The following TAF6 variants were observed in gnomAD, a reference collection of about 807,000 sequenced individuals.
TAF6 encodes transcription initiation factor TFIID subunit 6.
A neutral mutation model predicts 73.5 loss-of-function variants in TAF6; 50 were observed. That is an observed-to-expected ratio of 0.68 (90% confidence interval 0.54 to 0.86). The LOEUF (loss-of-function observed/expected upper bound fraction) is 0.86, where lower values mean the gene tolerates loss of function less well. Ranked by LOEUF, TAF6 falls within the 40% of genes least tolerant of loss-of-function variation. TAF6 has a pLI of 0.00. For synonymous variants in TAF6, 424 were observed against 376.7 expected, an observed-to-expected ratio of 1.13 and a Z score of -1.45; for missense variants, 768 against 899.5, an observed-to-expected ratio of 0.85 and a Z score of 1.87.
intron 5 of TAF6, 77 bp downstream of exon 5, chr7:100,113,272 G>A: frequency 7.4e-7 from 1 of 1,347,308 alleles, no homozygotes; most frequent in South Asian, 1.4e-5. Flanking sequence ...AACAGAGTGA[G>A]ACTCTGTCTC....
upstream of TAF6, chr7:100,122,262 G>A: frequency 1.2e-6 from 2 of 1,613,368 alleles, no homozygotes; most frequent in African/African-American, 1.3e-5. Flanking sequence ...CCACCAGTGT[G>A]TAAGCTGCTG....
At chr7:100,123,175 T>C (rs955351005), upstream of TAF6, among the ~76,000 whole-genome samples, 1 of 151,540 alleles carries the variant, frequency 6.6e-6, no homozygotes. Flanking sequence ...AACCCCGTCT[T>C]TAATAAAAAC....
At chr7:100,119,493 T>G (rs970082035), upstream of TAF6, 4 of 1,346,978 alleles carry the variant, frequency 3.0e-6, no homozygotes, top group Non-Finnish European at 3.9e-6. Flanking sequence ...TAAGGAGCAC[T>G]CCCTCTTGGT....
chr7:100,108,892 C>T, intron 12 of TAF6: 1 of 187,378 alleles, frequency 5.3e-6, no homozygotes, highest in Non-Finnish European at 1.1e-5. Context: ...GGCATGGTGG[C>T]ACGCACCTGT....
At chr7:100,121,706 C>A (rs1046501460), upstream of TAF6, among the ~76,000 whole-genome samples, 1 of 151,694 alleles carries the variant, frequency 6.6e-6, no homozygotes. Context: ...TCCCAAAGTG[C>A]TGGGATTACA....
At chr7:100,118,336 A>G (rs192397629) in intron 1 of TAF6, 1 of 150,536 alleles carries the variant, frequency 6.6e-6, no homozygotes, top group Non-Finnish European at 1.5e-5. Flanking sequence ...TGGGCGATAG[A>G]GAGAGACTCC....
In TAF6 at chr7:100,113,967, A is replaced by G; in HGVS notation, c.157-13T>C. The G allele has an allele frequency of 6.2e-7, 1 of 1,614,080 alleles. No homozygotes were observed. Among genetic ancestry groups the G allele is most frequent in the Non-Finnish European group, 8.5e-7 (1 of 1,180,022 alleles). ...ACTTCAAGGCATCCTGGGGTCGGTG[A>G]CAGAACAGACATCAGCCCAAAATCC... On this transcript the variant is annotated splice_polypyrimidine_tract_variant and intron_variant, in intron 2 of 14. Transcript: ENST00000453269.
upstream of TAF6, chr7:100,119,386 CT>C: frequency 8.9e-7 from 1 of 1,118,934 alleles, no homozygotes; most frequent in Non-Finnish European, 1.1e-6. Flanking sequence ...CTGGCAGAGC[CT>C]AAGAGCAAGT....
chr7:100,107,172 G>A lies in TAF6; in HGVS notation c.*74C>T, dbSNP rs952033229. The A allele has an allele frequency of 5.6e-5, 85 of 1,508,420 alleles. No homozygotes were observed. The highest frequency in any genetic ancestry group is 7.0e-5 in the African/African-American group (5 of 71,640). 93.4% of individuals were successfully genotyped at this position (1,508,420 alleles called of 1,614,324 possible). A position where few individuals can be genotyped will look rare whatever the true frequency, so the allele number is the denominator to read the frequency against. Reference sequence around the variant, plus strand: ...AATCTACAACTTCCTTCCGCTTAGCGAGCATGCATGTGTGTACGTGCACGT... The same window carrying A: ...AATCTACAACTTCCTTCCGCTTAGCAAGCATGCATGTGTGTACGTGCACGT... On this transcript the variant is annotated 3_prime_UTR_variant, in exon 15 of 15. Transcript: ENST00000453269.
In TAF6 at chr7:100,107,184, G is replaced by A. The variant is rs1220362318; in HGVS notation, c.*62C>T. On this transcript the variant is annotated 3_prime_UTR_variant, in exon 15 of 15. Coordinates refer to ENST00000453269, the MANE Select transcript of TAF6 (RefSeq NM_139315.3). ...CCTTCCGCTTAGCGAGCATGCATGT[G>A]TGTACGTGCACGTGTGTACATGTCT... The A allele has an allele frequency of 1.9e-5, 29 of 1,518,402 alleles. No individual in the cohort carries two copies. The highest frequency in any genetic ancestry group is 2.5e-4 in the Middle Eastern group (1 of 4,038). 94.1% of individuals were successfully genotyped at this position (1,518,402 alleles called of 1,614,324 possible).
At chr7:100,122,335 G>C (rs1233180795), upstream of TAF6, 1 of 1,614,172 alleles carries the variant, frequency 6.2e-7, no homozygotes, top group South Asian at 1.1e-5. Flanking sequence ...TGGAGCTGGG[G>C]CAGGTGCTGG....
upstream of TAF6, chr7:100,120,521 C>T (rs1798004639): frequency 6.6e-6 from 1 of 152,310 alleles, no homozygotes; most frequent in Admixed American, 6.5e-5. Context: ...CTTTACGTTT[C>T]TTCCCTGGAT....
chr7:100,108,239 T>A (rs549883866), intron 13 of TAF6, 116 bp from the exon 14 acceptor site: 1 of 1,456,528 alleles, frequency 6.9e-7, no homozygotes, highest in African/African-American at 1.4e-5. Flanking sequence ...GGCTGGGGCA[T>A]CCTCACTCAG....
At chr7:100,122,270 C>A, upstream of TAF6, 1 of 1,613,938 alleles carries the variant, frequency 6.2e-7, no homozygotes, top group East Asian at 2.2e-5. Flanking sequence ...GTGTAAGCTG[C>A]TGAGCACAGA....
upstream of TAF6, among the ~76,000 whole-genome samples, chr7:100,124,264 G>A (rs965062817): frequency 6.6e-6 from 1 of 151,688 alleles, no homozygotes; most frequent in East Asian, 1.9e-4. Context: ...ACAGCCTGAT[G>A]TGGTAGGTGC....
chr7:100,112,437 G>A (rs1797274566), intron 6 of TAF6, among the ~76,000 whole-genome samples, 184 bp from the exon 7 acceptor site: 1 of 152,162 alleles, frequency 6.6e-6, no homozygotes, highest in African/African-American at 2.4e-5. Flanking sequence ...TGGAGGCCTG[G>A]CATGGTGGCT....
rs749453984 is a variant in TAF6, at chr7:100,113,888, A to G, written c.223T>C (p.Leu75=). Residue 75 remains leucine (L), a synonymous_variant, in exon 3 of 15, where the codon TTG becomes CTG. Transcript: ENST00000453269. ...ATCACCTCGACATTCTTTAGCTTCA[A>G]GGCGTAGTCAATGTCACTGGTGGTG... ...KLTTSDIDYA[L]KLKNVEPLYG... 21 of 1,613,768 alleles carry G rather than the reference A, an allele frequency of 1.3e-5. No individual in the cohort carries two copies. In the South Asian group the frequency reaches 2.2e-4, roughly 17 times the overall value.
At chr7:100,124,610 G>C, upstream of TAF6, 1 of 1,613,434 alleles carries the variant, frequency 6.2e-7, no homozygotes. Context: ...TGAAGGTCAT[G>C]TGCTCCCAGC....
rs775448824 is a variant in TAF6, at chr7:100,114,191, GCTT to G, written c.16_18del (p.Lys6del). 2.5e-6 allele frequency: 4 copies of G among 1,614,222 alleles called. No homozygotes were observed. In the South Asian group the frequency reaches 3.3e-5, roughly 13 times the overall value. On this transcript the variant is annotated inframe_deletion, in exon 2 of 15. Transcript: ENST00000453269. ...GGCAGCACAGTGTTGCTAAGCTTCA[GCTT>G]CTTCTCCTCAGCCATTCTGGAGTCC...
Sources: gnomAD v4.1 joint callset for allele counts (sites outside exome capture counted in the v4.1 genomes callset) on GRCh38, gnomAD v4.1.1 for gene constraint, MANE v1.5 for transcripts, NCBI Gene and HGNC (gene_info 2026-07-23, HGNC 2026-07-21) for gene names.